Variants in HDAC4 observed in about 807,000 individuals in gnomAD.
HDAC4 encodes the protein histone deacetylase 4.
In HDAC4, 16 loss-of-function variants were observed where a neutral mutation model predicts 135.1. That is an observed-to-expected ratio of 0.12 (90% CI 0.08 to 0.18). HDAC4 has a LOEUF of 0.18. Among genes scored for constraint, HDAC4 ranks in the 10% least tolerant of loss-of-function variants. The pLI is 1.00. For missense variants in HDAC4, 1,143 were observed against 1,511.8 expected (o/e 0.76, Z 4.05); for synonymous variants, 685 against 653.4 (o/e 1.05, Z -0.74).
intron 2 of HDAC4, among the ~76,000 whole-genome samples, chr2:239,268,580 C>T (rs2049880392): frequency 6.6e-6 from 1 of 152,206 alleles, no homozygotes; most frequent in African/African-American, 2.4e-5. Flanking sequence ...TGCTCATGAC[C>T]ACCTGGAGGG....
chr2:239,304,817 C>T (rs2052481942), intron 2 of HDAC4, among the ~76,000 whole-genome samples: 1 of 152,096 alleles, frequency 6.6e-6, no homozygotes, highest in South Asian at 2.1e-4. Context: ...GAAACAAGGC[C>T]CCCTTGGGGG....
chr2:239,215,971 G>A (rs1052761997), intron 3 of HDAC4, among the ~76,000 whole-genome samples: 3 of 152,120 alleles, frequency 2.0e-5, no homozygotes, highest in Non-Finnish European at 4.4e-5. Context: ...TATATTCATA[G>A]AATGCACCCA....
chr2:239,252,555 G>C (rs769361495), intron 2 of HDAC4, among the ~76,000 whole-genome samples: 2 of 152,180 alleles, frequency 1.3e-5, no homozygotes, highest in Non-Finnish European at 2.9e-5. Context: ...ACGAGGGAAA[G>C]AGCAGAACAA....
At chr2:239,054,019 C>T (rs2031353491) in intron 25 of HDAC4, among the ~76,000 whole-genome samples, 1 of 151,874 alleles carries the variant, frequency 6.6e-6, no homozygotes, top group Non-Finnish European at 1.5e-5. Context: ...TCTGCCTGGG[C>T]CCTCACAGAG....
rs149755905 is a variant in HDAC4 at position 239,253,214 on chromosome 2, C to T, written c.23-16550G>A. On this transcript the variant is annotated intron_variant, in intron 2 of 26. Coordinates refer to ENST00000543185, the MANE Select transcript of HDAC4 (RefSeq NM_001378414.1). The stretch of plus-strand genomic sequence containing the variant: ...TAGCGTGGTAAAAATCAGAATCATA[C>T]GGCAAAGAAAACACAGAAATTACAT... 5.3e-5 allele frequency among the ~76,000 whole-genome samples: 8 copies of T among 152,314 alleles called. No individual in the cohort carries two copies. In the East Asian group the frequency reaches 9.6e-4, roughly 18 times the overall value.
chr2:239,190,207 T>G, intron 3 of HDAC4, 130 bp from the exon 4 acceptor site: 24 of 1,221,158 alleles, frequency 2.0e-5, no homozygotes, highest in East Asian at 5.1e-5. Flanking sequence ...GAGGATTGGA[T>G]ACCCCTCTCC....
At chr2:239,145,139 G>A (rs2041667635) in intron 7 of HDAC4, among the ~76,000 whole-genome samples, 3 of 152,178 alleles carry the variant, frequency 2.0e-5, no homozygotes, top group Non-Finnish European at 4.4e-5. Context: ...TAGCTGTGTT[G>A]CTCTAAAATC....
chr2:239,176,706 C>A, intron 4 of HDAC4, 143 bp from the exon 5 acceptor site: 1 of 681,306 alleles, frequency 1.5e-6, no homozygotes, highest in Non-Finnish European at 2.5e-6. Flanking sequence ...TGCACTGCTG[C>A]TATTTCAGTC....
chr2:239,055,038 C>A, intron 24 of HDAC4: 1 of 500,916 alleles, frequency 2.0e-6, no homozygotes, highest in South Asian at 2.0e-5. Flanking sequence ...TTTTTTAGGA[C>A]GCTATAAGAT....
intron 2 of HDAC4, among the ~76,000 whole-genome samples, chr2:239,291,733 T>C (rs1221790249): frequency 3.3e-5 from 5 of 152,226 alleles, no homozygotes; most frequent in South Asian, 4.1e-4. Context: ...GCAATATCTA[T>C]GTAAGAGCTT....
In HDAC4 at chr2:239,381,927, C is replaced by T. The variant is rs914201040; in HGVS notation, c.-220+19051G>A. Among the ~76,000 whole-genome samples the T allele has an allele frequency of 7.2e-5, 11 of 152,324 alleles. No homozygotes were observed. In the East Asian group the frequency reaches 9.6e-4, roughly 13 times the overall value. On this transcript the variant is annotated intron_variant, in intron 1 of 26. Transcript: ENST00000543185. ...CTGAAGTCACCGCCCCCCAGTTCCA[C>T]GTCACACACACACACTCCATCAGCT...
intron 3 of HDAC4, among the ~76,000 whole-genome samples, chr2:239,219,682 T>A (rs941075537): frequency 1.3e-5 from 2 of 152,140 alleles, no homozygotes; most frequent in Non-Finnish European, 2.9e-5. Context: ...AGGCTCAGAT[T>A]AGACGGGTAA....
At position 239,139,602 on chromosome 2, in the gene HDAC4, G is replaced by T; in HGVS notation, c.978+82C>A. 9 of 1,257,138 alleles carry T rather than the reference G, an allele frequency of 7.2e-6. No individual in the cohort carries two copies. Among genetic ancestry groups the T allele is most frequent in the South Asian group, 3.6e-5 (3 of 83,656 alleles). 77.9% of individuals were successfully genotyped at this position (1,257,138 alleles called of 1,614,324 possible). On this transcript the variant is annotated intron_variant, in intron 9 of 26. Coordinates refer to ENST00000543185, the MANE Select transcript of HDAC4 (RefSeq NM_001378414.1). The surrounding 1 kb of genome is among the most constrained non-coding windows in gnomAD (Gnocchi z 5.3). ...TTGGAAGGTGAAGAGTGAAGGGCAA[G>T]TGCAAAGTGGGGTCATTTCAAGCTC...
chr2:239,096,841 C>T (rs934855318), intron 16 of HDAC4, among the ~76,000 whole-genome samples: 1 of 143,984 alleles, frequency 6.9e-6, no homozygotes, highest in Non-Finnish European at 1.6e-5. Flanking sequence ...TCAGGCTCTT[C>T]TCACTCTGTG....
At chr2:239,135,722 C>A (rs568746989) in intron 9 of HDAC4, among the ~76,000 whole-genome samples, 4 of 152,300 alleles carry the variant, frequency 2.6e-5, no homozygotes, top group African/African-American at 9.6e-5. Context: ...GGGCCGAGCA[C>A]CCAGCAGGCA....
chr2:239,305,253 G>C (rs1378196884), intron 2 of HDAC4, among the ~76,000 whole-genome samples: 2 of 152,252 alleles, frequency 1.3e-5, no homozygotes, highest in African/African-American at 4.8e-5. Flanking sequence ...ATCCAGGTTG[G>C]TAGTCAGGTT....
At chr2:239,325,445 A>C (rs1023884642) in intron 2 of HDAC4, among the ~76,000 whole-genome samples, 1 of 152,264 alleles carries the variant, frequency 6.6e-6, no homozygotes, top group Non-Finnish European at 1.5e-5. Flanking sequence ...AAATATGCCA[A>C]CGGCCAATAG....
rs533073553 is a variant in HDAC4 at position 239,234,955 on chromosome 2, C to T, written c.94+1638G>A. Among the ~76,000 whole-genome samples, 5 of 152,278 alleles carry T rather than the reference C, an allele frequency of 3.3e-5. No individual in the cohort carries two copies. In the South Asian group the frequency reaches 8.3e-4, roughly 25 times the overall value. ...CAAGCAAGTTGTCTCAAAAATGCCC[C>T]AGCCACAGAATTCAGTGTTTACACG... On this transcript the variant is annotated intron_variant, in intron 3 of 26. Coordinates refer to ENST00000543185, the MANE Select transcript of HDAC4 (RefSeq NM_001378414.1).
At position 239,303,316 on chromosome 2, in the gene HDAC4, G is replaced by A. The variant is rs940361093; in HGVS notation, c.22+49362C>T. On this transcript the variant is annotated intron_variant, in intron 2 of 26. Coordinates refer to ENST00000543185, the MANE Select transcript of HDAC4 (RefSeq NM_001378414.1). This position sits in a 1 kb window ranked among gnomAD's most constrained non-coding sequence, Gnocchi z 5.1. ...TCGCTTCCTTTTTATCTACGCTCCC[G>A]GATTGACTTGTCCTCCTCTGATGCC... is the stretch of plus-strand genomic sequence containing the variant. 5.9e-5 allele frequency among the ~76,000 whole-genome samples: 9 copies of A among 152,214 alleles called. No individual in the cohort carries two copies. The highest frequency in any genetic ancestry group is 1.9e-4 in the East Asian group (1 of 5,196).
Sources: allele counts gnomAD v4.1 joint callset (sites outside exome capture counted in the v4.1 genomes callset), GRCh38; gene constraint gnomAD v4.1.1; non-coding constraint Gnocchi (gnomAD v3.1); transcripts MANE v1.5; gene names NCBI Gene and HGNC (gene_info 2026-07-23, HGNC 2026-07-21).